The following MME variants were observed in gnomAD, a reference collection of about 807,000 sequenced individuals.
MME encodes the protein membrane metalloendopeptidase.
In MME, 98 loss-of-function variants were observed where a neutral mutation model predicts 113.2. The ratio of observed to expected loss-of-function variants is 0.87; its 90% CI spans 0.74 to 1.02. The LOEUF is 1.02. Among genes scored for constraint, MME ranks in the 50% least tolerant of loss-of-function variants. MME has a pLI of 0.00. For synonymous variants in MME, 292 were observed against 300.6 expected (o/e 0.97, Z 0.30); for missense variants, 836 against 896.0 (o/e 0.93, Z 0.86).
chr3:155,093,942 G>A (rs1345946959), intron 3 of MME, among the ~76,000 whole-genome samples: 1 of 151,028 alleles, frequency 6.6e-6, no homozygotes, highest in Non-Finnish European at 1.5e-5. Flanking sequence ...GGACTTCTTT[G>A]TATAAACTTG....
chr3:155,116,055 A>G (rs149840044), intron 4 of MME, among the ~76,000 whole-genome samples: 64 of 152,284 alleles, frequency 4.2e-4, no homozygotes, highest in African/African-American at 1.5e-3. Flanking sequence ...CGGTACAGTC[A>G]CACAAAGATA....
chr3:155,171,444 C>T (rs1200258622), intron 20 of MME, among the ~76,000 whole-genome samples: 2 of 152,084 alleles, frequency 1.3e-5, no homozygotes, highest in East Asian at 1.9e-4. Flanking sequence ...ATTATGAATT[C>T]GTTTTAAAAG....
At chr3:155,167,930 T>C (rs1711517220) in intron 18 of MME, among the ~76,000 whole-genome samples, 1 of 152,102 alleles carries the variant, frequency 6.6e-6, no homozygotes, top group Admixed American at 6.5e-5. Context: ...TAGGCAAATA[T>C]GAAAAAGATG....
upstream of MME, among the ~76,000 whole-genome samples, chr3:155,076,454 G>T (rs909428046): frequency 6.6e-6 from 1 of 152,168 alleles, no homozygotes; most frequent in Non-Finnish European, 1.5e-5. Context: ...GAAATGGATA[G>T]ATACCACCAG....
At chr3:155,124,781 G>C (rs1216188216) in intron 8 of MME, among the ~76,000 whole-genome samples, 23 of 151,932 alleles carry the variant, frequency 1.5e-4, no homozygotes, top group South Asian at 2.1e-4. Context: ...CCGGTTCTCA[G>C]ATCTCCAGCT....
chr3:155,097,162 G>A (rs1271646437), intron 3 of MME, among the ~76,000 whole-genome samples: 1 of 152,106 alleles, frequency 6.6e-6, no homozygotes, highest in East Asian at 1.9e-4. Flanking sequence ...CTGTGAGATA[G>A]TTTAAATTTG....
chr3:155,127,275 T>G (rs1243709517), intron 8 of MME, among the ~76,000 whole-genome samples: 2 of 152,194 alleles, frequency 1.3e-5, no homozygotes, highest in Non-Finnish European at 2.9e-5. Flanking sequence ...TCCATGGGAA[T>G]GTCTGGGAGC....
chr3:155,053,320 T>C (rs973597022), intron 1 of MME, among the ~76,000 whole-genome samples: 1 of 152,168 alleles, frequency 6.6e-6, no homozygotes, highest in African/African-American at 2.4e-5. Context: ...CAAGACTGGG[T>C]AATTTGTAAA....
At chr3:155,124,422 C>G (rs1182137396) in intron 8 of MME, among the ~76,000 whole-genome samples, 3 of 151,756 alleles carry the variant, frequency 2.0e-5, no homozygotes, top group African/African-American at 7.2e-5. Flanking sequence ...CTCAGCTCGT[C>G]AAAGTCATTC....
At chr3:155,064,557 A>G (rs1304291572) in intron 1 of MME, among the ~76,000 whole-genome samples, 1 of 152,192 alleles carries the variant, frequency 6.6e-6, no homozygotes, top group African/African-American at 2.4e-5. Context: ...ATTAAACTGC[A>G]CATATCACAT....
In MME at chr3:155,116,196, T is replaced by TA. The variant is rs11296151; in HGVS notation, c.359-269dup. 0.028 allele frequency among the ~76,000 whole-genome samples: 4,059 copies of TA among 145,298 alleles called. 143 individuals carry two copies. Among genetic ancestry groups the TA allele is most frequent in the African/African-American group, 0.085 (3,357 of 39,662 alleles). On this transcript the variant is annotated intron_variant, in intron 4 of 22. Coordinates refer to ENST00000360490, the MANE Select transcript of MME (RefSeq NM_007289.4). ...GCAGAGCCGTATGCATCACTGTTCA[T>TA]AAAAAAAAAAAAAAGATAATCTAGT... is the stretch of plus-strand genomic sequence containing the variant.
chr3:155,086,968 C>G (rs1715789484), intron 3 of MME, among the ~76,000 whole-genome samples: 1 of 150,844 alleles, frequency 6.6e-6, no homozygotes, highest in African/African-American at 2.4e-5. Context: ...CCATTCCTGG[C>G]TAGGTTGTGG....
At chr3:155,044,143 T>G (rs1713459276) in intron 1 of MME, among the ~76,000 whole-genome samples, 2 of 146,888 alleles carry the variant, frequency 1.4e-5, no homozygotes, top group South Asian at 4.3e-4. Context: ...TTTTTTTTTT[T>G]TTTTTGAGAC....
intron 22 of MME, among the ~76,000 whole-genome samples, chr3:155,174,325 CGTGTGTGTGTGTGT>C (rs3839085): frequency 0.041 from 4,501 of 110,320 alleles, 103 homozygotes; most frequent in African/African-American, 0.051. Context: ...ACAACAGAAG[CGTGTGTGTGTGTGT>C]GTGTGTGTGT....
At chr3:155,176,122 T>C (rs1216478851) in intron 22 of MME, among the ~76,000 whole-genome samples, 1 of 152,184 alleles carries the variant, frequency 6.6e-6, no homozygotes, top group African/African-American at 2.4e-5. Context: ...AGCCAAGTCA[T>C]TCATTTACAA....
At chr3:155,147,301 C>A (rs1721595382) in intron 15 of MME, 77 bp downstream of exon 15, 3 of 902,706 alleles carry the variant, frequency 3.3e-6, no homozygotes, top group African/African-American at 1.6e-5. Context: ...TATGGGGTGC[C>A]TGAAATTATA....
chr3:155,163,472 T>C (rs189995369), intron 17 of MME, among the ~76,000 whole-genome samples: 82 of 152,304 alleles, frequency 5.4e-4, no homozygotes, highest in Non-Finnish European at 9.4e-4. Flanking sequence ...CTGTTCCTCT[T>C]CCTTGCATGT....
intron 1 of MME, among the ~76,000 whole-genome samples, chr3:155,048,359 T>C (rs1713637924): frequency 6.6e-6 from 1 of 152,128 alleles, no homozygotes; most frequent in South Asian, 2.1e-4. Context: ...GTCATTCAGT[T>C]TTTGCTCTCT....
chr3:155,115,417 T>C (rs1718516625), intron 4 of MME, among the ~76,000 whole-genome samples: 1 of 70,568 alleles, frequency 1.4e-5, no homozygotes, highest in Non-Finnish European at 3.2e-5. Context: ...GCAGGTTTGG[T>C]TTTTTGTTTG....
Sources: allele counts gnomAD v4.1 joint callset (sites outside exome capture counted in the v4.1 genomes callset), GRCh38; gene constraint gnomAD v4.1.1; transcripts MANE v1.5; gene names NCBI Gene and HGNC (gene_info 2026-07-23, HGNC 2026-07-21).